Variants in CERS5 observed in about 807,000 individuals in gnomAD.
CERS5 encodes the protein ceramide synthase 5.
In CERS5, 37 loss-of-function variants were observed where a neutral mutation model predicts 58.9. That is an observed-to-expected ratio of 0.63 (90% confidence interval 0.48 to 0.83). The LOEUF (loss-of-function observed/expected upper bound fraction) is 0.83. Ranked by LOEUF, CERS5 falls within the 40% of genes least tolerant of loss-of-function variation. The probability of loss-of-function intolerance (pLI) is 0.00; values close to 1 mark genes in which losing one functional copy is unlikely to be tolerated. For synonymous variants in CERS5, 147 were observed against 177.8 expected, an observed-to-expected ratio of 0.83 and a Z score of 1.38; for missense variants, 398 against 489.3, an observed-to-expected ratio of 0.81 and a Z score of 1.76.
In CERS5 at chr12:50,136,041, A is replaced by C; in HGVS notation, c.665T>G (p.Leu222Trp). Reference protein sequence around the residue: ...KDFLIMFVHHLVTIGLISFSY... With the variant: ...KDFLIMFVHHWVTIGLISFSY... ...GAAGGAGATAAGCCCAATGGTGACCAAGTGATGCACAAACATGATCAGGAA... is the reference window on the plus strand; with the variant it reads ...GAAGGAGATAAGCCCAATGGTGACCCAGTGATGCACAAACATGATCAGGAA... The change falls in exon 7 of 10, where the codon TTG becomes TGG. Residue 222 changes from leucine to tryptophan, a missense_variant. Around this residue, in one of 3 missense-constraint regions of CERS5, gnomAD observed 328 missense variants for 384.5 expected, o/e 0.85. Transcript: ENST00000317551. The C allele has an allele frequency of 6.6e-7, 1 of 1,505,104 alleles. No individual in the cohort carries two copies. The highest frequency in any genetic ancestry group is 8.9e-7 in the Non-Finnish European group (1 of 1,129,640). The allele number at this position is 1,505,104 out of a possible 1,614,324, so 93.2% of individuals were successfully genotyped here.
At chr12:50,144,368 C>T in intron 1 of CERS5, 1 of 295,220 alleles carries the variant, frequency 3.4e-6, no homozygotes, top group African/African-American at 2.1e-5. Flanking sequence ...TCAGAATCTG[C>T]ATTTTAACAA....
intron 4 of CERS5, among the ~76,000 whole-genome samples, chr12:50,140,473 T>G (rs914983881): frequency 1.3e-5 from 2 of 151,856 alleles, no homozygotes; most frequent in African/African-American, 2.4e-5. Flanking sequence ...TTAGTAGAGA[T>G]AGAGTTTTGC....
chr12:50,134,753 A>G lies in CERS5; in HGVS notation c.873-51T>C, dbSNP rs373380144. ...ATTCTAGAGTCAAAGCTCAGCAGAC[A>G]GGGATGAAGCTGAGTCCTGGGGATG... On this transcript the variant is annotated intron_variant, in intron 8 of 9. Transcript: ENST00000317551. 5.2e-6 allele frequency: 8 copies of G among 1,550,956 alleles called. No individual in the cohort carries two copies. The African/African-American group carries it at 1.1e-4, about 21-fold the overall frequency.
chr12:50,140,284 A>ATTTTTTTTTTT (rs57651378), intron 4 of CERS5, among the ~76,000 whole-genome samples: 28 of 96,246 alleles, frequency 2.9e-4, no homozygotes, highest in African/African-American at 1.2e-3. Context: ...TAACTTCCAA[A>ATTTTTTTTTTT]TTTTTTTTTT....
At chr12:50,134,146 C>T (rs1346622899) in intron 9 of CERS5, 7 of 225,950 alleles carry the variant, frequency 3.1e-5, no homozygotes, top group African/African-American at 7.2e-5. Context: ...TTTGGGAAGC[C>T]GTGGTGGGAG....
At chr12:50,143,273 T>G (rs773943849) in intron 2 of CERS5, 69 bp from the exon 3 acceptor site, 12 of 1,574,132 alleles carry the variant, frequency 7.6e-6, no homozygotes, top group East Asian at 2.3e-5. Flanking sequence ...ATTGACTAGC[T>G]GAGCGACAAG....
chr12:50,167,034 C>A, intron 1 of CERS5, 67 bp downstream of exon 1: 2 of 1,260,988 alleles, frequency 1.6e-6, no homozygotes, highest in South Asian at 1.4e-5. Flanking sequence ...CGGCCCTCGG[C>A]CCTTCCCACA....
intron 9 of CERS5, among the ~76,000 whole-genome samples, chr12:50,131,055 G>A (rs369155673): frequency 8.1e-4 from 123 of 152,212 alleles, no homozygotes; most frequent in Admixed American, 1.2e-3. Context: ...CGAACAATAC[G>A]TATGACTGTC....
rs1374838334 is a variant in CERS5 at position 50,137,772 on chromosome 12, A to G, written c.592T>C (p.Tyr198His). Residue 198 changes from tyrosine to histidine, a missense_variant, in exon 6 of 10, where the codon TAT becomes CAT. Physicochemically the swap from Tyr to His is moderately conservative, Grantham distance 83. Around this residue, in one of 3 missense-constraint regions of CERS5, gnomAD observed 328 missense variants for 384.5 expected, o/e 0.85. Coordinates refer to ENST00000317551, the MANE Select transcript of CERS5 (RefSeq NM_147190.5). ...AACTGAGAAAACATAAGGGACCAAT[A>G]GAAGGCCAATTCCATGATATAATAG... ...YHYYIMELAF[Y>H]WSLMFSQFTD... 3.1e-6 allele frequency: 5 copies of G among 1,610,780 alleles called. No individual in the cohort carries two copies. The highest frequency in any genetic ancestry group is 3.3e-5 in the Admixed American group (2 of 59,868).
At chr12:50,143,009 G>T in intron 3 of CERS5, 65 bp downstream of exon 3, 1 of 1,502,812 alleles carries the variant, frequency 6.7e-7, no homozygotes, top group South Asian at 1.3e-5. Context: ...GTTCAAAACA[G>T]AAACTTCAGT....
intron 4 of CERS5, among the ~76,000 whole-genome samples, chr12:50,140,140 C>T (rs1951887859): frequency 1.3e-5 from 2 of 152,036 alleles, no homozygotes; most frequent in Admixed American, 1.3e-4. Flanking sequence ...ACATTTAAAG[C>T]TATAAATTTC....
At position 50,137,835 on chromosome 12, in the gene CERS5, G is replaced by C. The variant is rs193171969; in HGVS notation, c.544-15C>G. On this transcript the variant is annotated splice_polypyrimidine_tract_variant and intron_variant, in intron 5 of 9. Coordinates refer to ENST00000317551, the MANE Select transcript of CERS5 (RefSeq NM_147190.5). Reference sequence around the variant, plus strand: ...CTTGAAAGAGGCTGGAAGAGAGAAAGAAGTAGTTAGATTACCGGCTAGTCA... The same window carrying C: ...CTTGAAAGAGGCTGGAAGAGAGAAACAAGTAGTTAGATTACCGGCTAGTCA... 8 of 1,533,194 alleles carry C rather than the reference G, an allele frequency of 5.2e-6. No homozygotes were observed. Among genetic ancestry groups the C allele is most frequent in the Admixed American group, 3.4e-5 (2 of 59,000 alleles). The allele number at this position is 1,533,194 out of a possible 1,614,324, so 95.0% of individuals were successfully genotyped here.
rs145966803 is a variant in CERS5 at position 50,135,136 on chromosome 12, GGAGA to G, written c.873-438_873-435del. Among the ~76,000 whole-genome samples, 56 of 59,688 alleles carry G rather than the reference GGAGA, an allele frequency of 9.4e-4. 1 individual carries two copies. The highest frequency in any genetic ancestry group is 4.1e-3 in the African/African-American group (51 of 12,326). The allele number at this position is 59,688 out of a possible 152,430, so 39.2% of individuals were successfully genotyped here. ...AGGGAGGGAGAGAGAGGAGAGGGAG[GGAGA>G]GAGAGAGGAGGGAGGGAGAGAGAGG... is the stretch of plus-strand genomic sequence containing the variant. On this transcript the variant is annotated intron_variant, in intron 8 of 9. Coordinates refer to ENST00000317551, the MANE Select transcript of CERS5 (RefSeq NM_147190.5).
chr12:50,140,648 A>G (rs1951923971), intron 4 of CERS5, among the ~76,000 whole-genome samples: 2 of 152,166 alleles, frequency 1.3e-5, no homozygotes, highest in South Asian at 4.1e-4. Context: ...CGTTATGGTC[A>G]GAGAACACAT....
intron 9 of CERS5, among the ~76,000 whole-genome samples, chr12:50,131,740 A>G (rs1363694147): frequency 6.6e-6 from 1 of 152,088 alleles, no homozygotes; most frequent in Non-Finnish European, 1.5e-5. Context: ...CAAATGAAGC[A>G]TTTGGATTAC....
At position 50,136,011 on chromosome 12, in the gene CERS5, TAGG is replaced by T. The variant is rs1172881299; in HGVS notation, c.692_694del (p.Ser231del). ...TCCCACTCGAACCATATTGTTGATGTAGGAGAAGGAGATAAGCCCAATGGTGAC... is the reference window on the plus strand; with the variant it reads ...TCCCACTCGAACCATATTGTTGATGTAGAAGGAGATAAGCCCAATGGTGAC... On this transcript the variant is annotated inframe_deletion, in exon 7 of 10. Coordinates refer to ENST00000317551, the MANE Select transcript of CERS5 (RefSeq NM_147190.5). 2 of 1,518,476 alleles carry T rather than the reference TAGG, an allele frequency of 1.3e-6. No individual in the cohort carries two copies. Among genetic ancestry groups the T allele is most frequent in the Non-Finnish European group, 1.8e-6 (2 of 1,136,522 alleles). The allele number at this position is 1,518,476 out of a possible 1,614,324, so 94.1% of individuals were successfully genotyped here.
chr12:50,134,365 C>T (rs1475192954), intron 9 of CERS5, 181 bp downstream of exon 9: 2 of 1,510,956 alleles, frequency 1.3e-6, no homozygotes, highest in African/African-American at 1.4e-5. Flanking sequence ...CAGAGCAAGA[C>T]CTTGTCTCTA....
chr12:50,142,179 C>A, intron 3 of CERS5, 69 bp from the exon 4 acceptor site: 1 of 1,016,598 alleles, frequency 9.8e-7, no homozygotes, highest in South Asian at 1.4e-5. Flanking sequence ...CTACGGAAGT[C>A]AAGATAGCAA....
chr12:50,150,988 T>C (rs1937896464), intron 1 of CERS5, among the ~76,000 whole-genome samples: 1 of 152,200 alleles, frequency 6.6e-6, no homozygotes, highest in African/African-American at 2.4e-5. Context: ...ACCCACTCTT[T>C]ACTGATCAGA....
Sources: gnomAD v4.1 joint callset for allele counts (sites outside exome capture counted in the v4.1 genomes callset) on GRCh38, gnomAD v4.1.1 for gene constraint, gnomAD v4.1.1 regional missense constraint, MANE v1.5 for transcripts, NCBI Gene and HGNC (gene_info 2026-07-23, HGNC 2026-07-21) for gene names.